The following SLC7A9 variants were observed in gnomAD, a reference collection of about 807,000 sequenced individuals.
SLC7A9 encodes solute carrier family 7 member 9, also known as B(0,+)-type amino acid transporter 1.
A neutral mutation model predicts 54.1 loss-of-function variants in SLC7A9; 38 were observed. The ratio of observed to expected loss-of-function variants is 0.70; its 90% CI spans 0.54 to 0.92. The LOEUF is 0.92. SLC7A9 is among the 40% of genes least tolerant of loss of function. SLC7A9 has a pLI of 0.00. For synonymous variants in SLC7A9, 264 were observed against 258.9 expected (o/e 1.02, Z -0.19); for missense variants, 537 against 636.1 (o/e 0.84, Z 1.68).
chr19:32,868,088 G>A lies in SLC7A9; in HGVS notation c.87+360C>T, dbSNP rs985932111. Among the ~76,000 whole-genome samples, 125 of 151,752 alleles carry A rather than the reference G, an allele frequency of 8.2e-4. 2 individuals are homozygous for A. Among genetic ancestry groups the A allele is most frequent in the Non-Finnish European group, 7.8e-4 (53 of 67,926 alleles). ...TCTACTAAAAATACAAAAATTAGCC[G>A]GGTATGGTGGCGGGTGCTTGTAATC... On this transcript the variant is annotated intron_variant, in intron 2 of 12. Coordinates refer to ENST00000023064, the MANE Select transcript of SLC7A9 (RefSeq NM_014270.5).
At chr19:32,867,605 G>A (rs1439321229) in intron 2 of SLC7A9, among the ~76,000 whole-genome samples, 3 of 151,970 alleles carry the variant, frequency 2.0e-5, no homozygotes, top group East Asian at 1.9e-4. Flanking sequence ...ATACTGGCCC[G>A]TCTAGACACT....
At chr19:32,851,813 C>G (rs533819572) in intron 9 of SLC7A9, among the ~76,000 whole-genome samples, 213 of 152,262 alleles carry the variant, frequency 1.4e-3, no homozygotes, top group African/African-American at 4.9e-3. Flanking sequence ...AAATGTGGCA[C>G]ATATACACCA....
Position 32,862,311 on chromosome 19 carries a change from T to G in SLC7A9, c.605-94A>C, listed in dbSNP as rs1347981996. 4.8e-6 allele frequency: 7 copies of G among 1,447,698 alleles called. No homozygotes were observed. In the African/African-American group the frequency reaches 8.4e-5, roughly 17 times the overall value. The allele number at this position is 1,447,698 out of a possible 1,614,324, so 89.7% of individuals were successfully genotyped here. On this transcript the variant is annotated intron_variant, in intron 5 of 12. Transcript: ENST00000023064. ...AGATGGGCATGATTGTGACCCCAGC[T>G]TAATAAACACGCCCTGAAACTAAGG...
intron 9 of SLC7A9, among the ~76,000 whole-genome samples, chr19:32,846,344 T>TA (rs1968294386): frequency 1.3e-5 from 2 of 152,166 alleles, no homozygotes; most frequent in Non-Finnish European, 2.9e-5. Context: ...CCAACGGGCT[T>TA]AAAAAACGGT....
intron 9 of SLC7A9, among the ~76,000 whole-genome samples, chr19:32,853,689 G>A (rs1253783594): frequency 6.6e-6 from 1 of 152,024 alleles, no homozygotes; most frequent in African/African-American, 2.4e-5. Context: ...GGCTGAGGCA[G>A]GTGGATCACT....
chr19:32,842,707 A>G (rs537763664), intron 10 of SLC7A9, among the ~76,000 whole-genome samples: 4 of 151,826 alleles, frequency 2.6e-5, no homozygotes, highest in African/African-American at 7.2e-5. Flanking sequence ...CCGCCTCCCA[A>G]GTTCAAGCGA....
At chr19:32,830,796 C>CA in intron 12 of SLC7A9, 112 bp from the exon 13 acceptor site, 6 of 801,752 alleles carry the variant, frequency 7.5e-6, no homozygotes, top group Non-Finnish European at 1.0e-5. Context: ...GATGCGTCAC[C>CA]TAGACCCTGT....
intron 11 of SLC7A9, among the ~76,000 whole-genome samples, chr19:32,841,708 A>G (rs1369185362): frequency 6.6e-6 from 1 of 152,190 alleles, no homozygotes; most frequent in African/African-American, 2.4e-5. Context: ...GGAGTTAGAG[A>G]CCAGCCCGGC....
chr19:32,858,768 C>CTTTATTTATTTATGTA lies in SLC7A9; in HGVS notation c.874-226_874-225insTACATAAATAAATAAA, dbSNP rs1555784559. On this transcript the variant is annotated intron_variant, in intron 8 of 12. Coordinates refer to ENST00000023064, the MANE Select transcript of SLC7A9 (RefSeq NM_014270.5). ...TTATCTACTACTCCCTGGCATAAAT[C>CTTTATTTATTTATGTA]TTTATTTATTTATTTATTTATTTAT... Among the ~76,000 whole-genome samples the CTTTATTTATTTATGTA allele has an allele frequency of 6.9e-4, 102 of 148,634 alleles. 1 individual carries two copies. The highest frequency in any genetic ancestry group is 2.4e-3 in the African/African-American group (97 of 40,410).
At chr19:32,846,878 C>T (rs892990617) in intron 9 of SLC7A9, among the ~76,000 whole-genome samples, 13 of 152,232 alleles carry the variant, frequency 8.5e-5, no homozygotes, top group Admixed American at 7.2e-4. Context: ...CGCTGTTCTA[C>T]AGCCACTGCT....
intron 9 of SLC7A9, among the ~76,000 whole-genome samples, chr19:32,845,118 T>A (rs1360151032): frequency 6.7e-6 from 1 of 149,402 alleles, no homozygotes; most frequent in Non-Finnish European, 1.5e-5. Flanking sequence ...AAGCCAAGAT[T>A]GTGCCACTGT....
chr19:32,855,530 T>C lies in SLC7A9; in HGVS notation c.977+2910A>G, dbSNP rs1599675512. On this transcript the variant is annotated intron_variant, in intron 9 of 12. Coordinates refer to ENST00000023064, the MANE Select transcript of SLC7A9 (RefSeq NM_014270.5). ...CTGGCAAACACGGTGAAACCCCATC[T>C]CTACTAAAAATACAAAAAAAAATTA... Among the ~76,000 whole-genome samples, 3 of 151,924 alleles carry C rather than the reference T, an allele frequency of 2.0e-5. 1 individual carries two copies. Among genetic ancestry groups the C allele is most frequent in the South Asian group, 2.1e-4 (1 of 4,792 alleles).
intron 9 of SLC7A9, among the ~76,000 whole-genome samples, chr19:32,856,796 CG>C (rs1968641496): frequency 6.6e-6 from 1 of 152,094 alleles, no homozygotes; most frequent in African/African-American, 2.4e-5. Flanking sequence ...AGACTAGTCT[CG>C]AACTCCTGGC....
At chr19:32,845,805 C>T (rs62124975) in intron 9 of SLC7A9, among the ~76,000 whole-genome samples, 17,945 of 152,094 alleles carry the variant, frequency 0.12, 1,108 homozygotes, top group East Asian at 0.24. Context: ...GTCAGGAGTT[C>T]GAGACCAGCC....
intron 11 of SLC7A9, among the ~76,000 whole-genome samples, chr19:32,836,884 GTCTGA>G (rs1568512176): frequency 6.6e-6 from 1 of 152,170 alleles, no homozygotes; most frequent in African/African-American, 2.4e-5. Context: ...CTGAGCACTT[GTCTGA>G]TAAGATCACA....
At chr19:32,855,723 C>T (rs189927560) in intron 9 of SLC7A9, among the ~76,000 whole-genome samples, 6 of 151,818 alleles carry the variant, frequency 4.0e-5, no homozygotes, top group Admixed American at 6.6e-5. Flanking sequence ...TAGAAAAATG[C>T]AAGTTAGCTC....
chr19:32,856,236 C>T (rs1430914976), intron 9 of SLC7A9, among the ~76,000 whole-genome samples: 13 of 151,242 alleles, frequency 8.6e-5, no homozygotes, highest in Admixed American at 1.3e-4. Flanking sequence ...GCTCTGTTGC[C>T]CAGGCTGGAG....
At chr19:32,843,740 T>C (rs1968194961) in intron 10 of SLC7A9, 115 bp downstream of exon 10, 2 of 743,268 alleles carry the variant, frequency 2.7e-6, no homozygotes. Flanking sequence ...TTTCTATATC[T>C]GTTTCATAGC....
Position 32,864,747 on chromosome 19 carries a change from G to A in SLC7A9, c.117C>T (p.Ile39=), listed in dbSNP as rs1364505808. ...ELGLISGISI[I]VGTIIGSGIF... ...TCCCAGAGCCAATGATGGTGCCCAC[G>A]ATGATGGAGATGCCACTGATGAGGC... Residue 39 remains isoleucine (I), a synonymous_variant, in exon 3 of 13, where the codon ATC becomes ATT. Transcript: ENST00000023064. 5.0e-6 allele frequency: 8 copies of A among 1,614,170 alleles called. No homozygotes were observed. Among genetic ancestry groups the A allele is most frequent in the South Asian group, 4.4e-5 (4 of 91,082 alleles).
Sources: gnomAD v4.1 joint callset for allele counts (sites outside exome capture counted in the v4.1 genomes callset) on GRCh38, gnomAD v4.1.1 for gene constraint, MANE v1.5 for transcripts, NCBI Gene and HGNC (gene_info 2026-07-23, HGNC 2026-07-21) for gene names.